Variants in MLF1 observed in about 807,000 individuals in gnomAD.
MLF1 encodes the protein myeloid leukemia factor 1.
In MLF1, 37 loss-of-function variants were observed where a neutral mutation model predicts 38.3. The observed-to-expected ratio is 0.96, with a 90% CI of 0.74 to 1.27. MLF1 has a LOEUF of 1.27. Ranked by LOEUF, MLF1 falls within the 50% of genes most tolerant of loss-of-function variation. The pLI, the probability that MLF1 is intolerant of heterozygous loss-of-function variation, is 0.00. For missense variants in MLF1, 331 were observed against 349.2 expected (o/e 0.95, Z 0.42); for synonymous variants, 95 against 106.5 (o/e 0.89, Z 0.66).
chr3:158,572,495 A>G (rs1468674039), intron 1 of MLF1, among the ~76,000 whole-genome samples: 3 of 57,780 alleles, frequency 5.2e-5, no homozygotes, highest in Non-Finnish European at 9.8e-5. Context: ...GCTGAGGAGG[A>G]TTTGGGGGCA....
rs775837612 is a variant in MLF1 at position 158,598,179 on chromosome 3, T to G, written c.424T>G (p.Ser142Ala). The G allele has an allele frequency of 1.9e-6, 3 of 1,613,750 alleles. No individual in the cohort carries two copies. The highest frequency in any genetic ancestry group is 2.5e-6 in the Non-Finnish European group (3 of 1,179,892). ...GDEPPKVFQASTQTRRAPGGI... is the reference protein window; with the variant it reads ...GDEPPKVFQAATQTRRAPGGI... ...TGAACCGCCAAAGGTTTTTCAGGCCTCAACTCAAACTCGTCGAGCTCCAGG... is the reference window on the plus strand; with the variant it reads ...TGAACCGCCAAAGGTTTTTCAGGCCGCAACTCAAACTCGTCGAGCTCCAGG... Residue 142 changes from serine (S) to alanine (A), a missense_variant, in exon 5 of 8, where the codon TCA becomes GCA. By Grantham distance (99) the Ser-to-Ala change is moderately conservative. Coordinates refer to ENST00000466246, the MANE Select transcript of MLF1 (RefSeq NM_001369783.1).
In MLF1 at chr3:158,574,505, T is replaced by TAAAAAAAAAAAAA. The variant is rs758915813; in HGVS notation, c.47+3168_47+3180dup. 1.9e-4 allele frequency among the ~76,000 whole-genome samples: 17 copies of TAAAAAAAAAAAAA among 91,390 alleles called. 1 individual carries two copies. The highest frequency in any genetic ancestry group is 9.2e-4 in the African/African-American group (16 of 17,446). 60.0% of individuals were successfully genotyped at this position (91,390 alleles called of 152,430 possible). A position where few individuals can be genotyped will look rare whatever the true frequency, so the allele number is the denominator to read the frequency against. On this transcript the variant is annotated intron_variant, in intron 1 of 7. Coordinates refer to ENST00000466246, the MANE Select transcript of MLF1 (RefSeq NM_001369783.1). ...CAACATGGTGAAACCCCATCTGTAC[T>TAAAAAAAAAAAAA]AAAAAAAAAAAAAAAAAAAAAATAC...
intron 1 of MLF1, among the ~76,000 whole-genome samples, chr3:158,581,582 ACAACAC>A (rs1392484999): frequency 6.6e-6 from 1 of 152,152 alleles, no homozygotes; most frequent in African/African-American, 2.4e-5. Flanking sequence ...TTTGCCTCCC[ACAACAC>A]CTTACCACTA....
At chr3:158,583,044 T>A (rs562423963) in intron 1 of MLF1, 2 of 523,604 alleles carry the variant, frequency 3.8e-6, no homozygotes, top group Non-Finnish European at 6.7e-6. Flanking sequence ...CTACCTCTTA[T>A]ATTCTTCTCC....
chr3:158,598,234 AG>A, intron 5 of MLF1, 26 bp downstream of exon 5: 7 of 1,580,428 alleles, frequency 4.4e-6, no homozygotes, highest in Non-Finnish European at 6.0e-6. Flanking sequence ...GCATTCCTAA[AG>A]TTTTATAAAG....
intron 1 of MLF1, among the ~76,000 whole-genome samples, chr3:158,582,177 CA>C (rs1184908201): frequency 1.0e-4 from 15 of 142,978 alleles, no homozygotes; most frequent in Non-Finnish European, 1.2e-4. Flanking sequence ...GAGACTCTGT[CA>C]AAAAAAAAAG....
In MLF1 at chr3:158,595,118, C is replaced by T. The variant is rs370597076; in HGVS notation, c.240+1692C>T. 1.6e-3 allele frequency among the ~76,000 whole-genome samples: 240 copies of T among 152,054 alleles called. 1 individual carries two copies. Among genetic ancestry groups the T allele is most frequent in the South Asian group, 3.3e-3 (16 of 4,810 alleles). On this transcript the variant is annotated intron_variant, in intron 3 of 7. Transcript: ENST00000466246. ...AAGTGGGAAGATAGACAATAAACAA[C>T]AAAATAATTTCAGATAGTCACAGTA...
chr3:158,588,757 T>C (rs1717692141), intron 1 of MLF1: 2 of 380,450 alleles, frequency 5.3e-6, no homozygotes, highest in Admixed American at 3.4e-5. Flanking sequence ...TTTATAGATA[T>C]TCGCAAAATT....
At chr3:158,576,008 T>C (rs899889874) in intron 1 of MLF1, among the ~76,000 whole-genome samples, 1 of 152,224 alleles carries the variant, frequency 6.6e-6, no homozygotes, top group African/African-American at 2.4e-5. Flanking sequence ...TGTGGTTAAA[T>C]TGTTAATTGC....
At chr3:158,578,711 T>C (rs759966075) in intron 1 of MLF1, among the ~76,000 whole-genome samples, 3 of 152,166 alleles carry the variant, frequency 2.0e-5, no homozygotes, top group Admixed American at 1.3e-4. Context: ...AGTTTGGTTG[T>C]GGTTTGTGTG....
intron 1 of MLF1, among the ~76,000 whole-genome samples, chr3:158,573,925 T>G (rs1015962170): frequency 6.6e-6 from 1 of 152,014 alleles, no homozygotes; most frequent in Non-Finnish European, 1.5e-5. Flanking sequence ...CTGCCTCAGC[T>G]TCACAAGTAG....
chr3:158,596,342 C>T (rs1425401013), intron 3 of MLF1, among the ~76,000 whole-genome samples: 1 of 152,094 alleles, frequency 6.6e-6, no homozygotes, highest in East Asian at 1.9e-4. Context: ...TGATTTCTGT[C>T]ACCCAGATCC....
At chr3:158,590,986 C>G in intron 1 of MLF1, 1 of 420,522 alleles carries the variant, frequency 2.4e-6, no homozygotes, top group South Asian at 1.7e-5. Context: ...TTTTTTTAAC[C>G]TCCAAGGTAA....
intron 1 of MLF1, among the ~76,000 whole-genome samples, chr3:158,584,278 A>G (rs1444441075): frequency 1.3e-5 from 2 of 152,228 alleles, no homozygotes; most frequent in African/African-American, 4.8e-5. Context: ...CGTATGCATA[A>G]GACAGACTCA....
intron 1 of MLF1, among the ~76,000 whole-genome samples, chr3:158,578,377 ATAAG>A (rs1715787921): frequency 7.6e-6 from 1 of 130,882 alleles, no homozygotes; most frequent in Admixed American, 7.3e-5. Flanking sequence ...CTTAGGCAAA[ATAAG>A]TGTGTGTGTG....
intron 1 of MLF1, among the ~76,000 whole-genome samples, chr3:158,587,198 G>C (rs899365887): frequency 6.6e-6 from 1 of 152,204 alleles, no homozygotes; most frequent in Non-Finnish European, 1.5e-5. Context: ...AGTACCTCTA[G>C]TGATTTTTTA....
chr3:158,597,049 T>TA (rs1718986136), intron 4 of MLF1, 104 bp downstream of exon 4: 1 of 639,086 alleles, frequency 1.6e-6, no homozygotes, highest in Non-Finnish European at 2.7e-6. Context: ...TTAAAAAAGA[T>TA]ACCTTACATG....
intron 1 of MLF1, among the ~76,000 whole-genome samples, chr3:158,575,682 A>C (rs2108551631): frequency 6.6e-6 from 1 of 152,284 alleles, no homozygotes; most frequent in South Asian, 2.1e-4. Flanking sequence ...TGGGTGGGTC[A>C]TAGAGTCAGT....
intron 5 of MLF1, 55 bp from the exon 6 acceptor site, chr3:158,599,959 G>C (rs1719491307): frequency 1.2e-6 from 1 of 837,442 alleles, no homozygotes; most frequent in Non-Finnish European, 1.6e-6. Context: ...AGCTGGCCCT[G>C]AGATATACAT....
Sources: allele counts gnomAD v4.1 joint callset (sites outside exome capture counted in the v4.1 genomes callset), GRCh38; gene constraint gnomAD v4.1.1; transcripts MANE v1.5; gene names NCBI Gene and HGNC (gene_info 2026-07-23, HGNC 2026-07-21).